The following PPP4R3B variants were observed in gnomAD, a reference collection of about 807,000 sequenced individuals.
PPP4R3B encodes the protein protein phosphatase 4 regulatory subunit 3B.
A neutral mutation model predicts 95.4 loss-of-function variants in PPP4R3B; 52 were observed. The observed-to-expected ratio is 0.54, with a 90% CI of 0.44 to 0.69. The LOEUF (loss-of-function observed/expected upper bound fraction) is 0.69, where lower values mean the gene tolerates loss of function less well. Among genes scored for constraint, PPP4R3B ranks in the 30% least tolerant of loss-of-function variants. PPP4R3B has a pLI of 0.00. For missense variants in PPP4R3B, 1,003 were observed against 1,005.9 expected (o/e 1.00, Z 0.04); for synonymous variants, 407 against 343.9 (o/e 1.18, Z -2.03).
At chr2:55,599,597 T>C (rs1214171410) in intron 3 of PPP4R3B, among the ~76,000 whole-genome samples, 3 of 152,162 alleles carry the variant, frequency 2.0e-5, no homozygotes, top group Non-Finnish European at 2.9e-5. Context: ...GCCATTGAAA[T>C]TTTAGGATTG....
At position 55,586,707 on chromosome 2, in the gene PPP4R3B, A is replaced by C. The variant is rs1690194717; in HGVS notation, c.1027T>G (p.Phe343Val). ...TTTTGAGGTTGTAATGTCTGAGAAA[A>C]TGCACAAAACTCCTTGAAAAAATTA... ...LVNFFKEFCA[F>V]SQTLQPQNRD... Residue 343 changes from phenylalanine to valine, a missense_variant, in exon 6 of 17, where the codon TTT (phenylalanine) becomes GTT (valine). Physicochemically the swap from Phe to Val is conservative, Grantham distance 50. Around this residue, in one of 3 missense-constraint regions of PPP4R3B, gnomAD observed 695 missense variants for 686.2 expected, o/e 1.01. Coordinates refer to ENST00000616407, the MANE Select transcript of PPP4R3B (RefSeq NM_001122964.3). 9 of 1,603,112 alleles carry C rather than the reference A, an allele frequency of 5.6e-6. No individual in the cohort carries two copies. The highest frequency in any genetic ancestry group is 7.7e-6 in the Non-Finnish European group (9 of 1,175,990).
At chr2:55,594,547 T>C (rs1691500114) in intron 4 of PPP4R3B, among the ~76,000 whole-genome samples, 1 of 152,164 alleles carries the variant, frequency 6.6e-6, no homozygotes, top group South Asian at 2.1e-4. Flanking sequence ...ATATTTATAG[T>C]TCATATAATT....
chr2:55,588,381 C>T (rs1026913638), intron 5 of PPP4R3B, among the ~76,000 whole-genome samples: 2 of 151,818 alleles, frequency 1.3e-5, no homozygotes, highest in African/African-American at 2.4e-5. Context: ...GGTGTGGCAG[C>T]GCATGCCTGT....
chr2:55,562,200 T>C lies in PPP4R3B; in HGVS notation c.2260+2113A>G, dbSNP rs892169686. On this transcript the variant is annotated intron_variant, in intron 15 of 16. Transcript: ENST00000616407. ...ACTTTGGGAGGCCAAAGTGGGTGAA[T>C]CATCTGAGACCAGGAGTTCAAGACC... 6.6e-5 allele frequency among the ~76,000 whole-genome samples: 10 copies of C among 152,204 alleles called. No homozygotes were observed. In the East Asian group the frequency reaches 1.9e-3, roughly 29 times the overall value.
Position 55,573,664 on chromosome 2 carries a change from T to C in PPP4R3B, c.1720A>G (p.Arg574Gly). 1 of 1,545,782 alleles carries C rather than the reference T, an allele frequency of 6.5e-7. No individual in the cohort carries two copies. Among genetic ancestry groups the C allele is most frequent in the Non-Finnish European group, 8.7e-7 (1 of 1,145,310 alleles). The change falls in exon 12 of 17, where the codon AGA becomes GGA. Residue 574 changes from arginine to glycine, a missense_variant. Arg to Gly is a moderately radical substitution (Grantham distance 125, BLOSUM62 -2). Coordinates refer to ENST00000616407, the MANE Select transcript of PPP4R3B (RefSeq NM_001122964.3). ...TTTGAATTCATCAAGACCAAGACTC[T>C]TCTTAGCAAGTCCTTGTTCATAATA... Reference protein sequence around the residue: ...NYIMNKDLLRRVLVLMNSKHT... With the variant: ...NYIMNKDLLRGVLVLMNSKHT...
At chr2:55,560,421 T>C (rs574507918) in intron 15 of PPP4R3B, among the ~76,000 whole-genome samples, 1 of 152,284 alleles carries the variant, frequency 6.6e-6, no homozygotes, top group African/African-American at 2.4e-5. Flanking sequence ...TCTGTGGAAC[T>C]TGAACTTGAG....
chr2:55,557,066 A>AACGACGACGACG (rs3030736), intron 16 of PPP4R3B, among the ~76,000 whole-genome samples: 5 of 151,572 alleles, frequency 3.3e-5, no homozygotes, highest in Non-Finnish European at 7.4e-5. Flanking sequence ...CTGTAACAAC[A>AACGACGACGACG]ACGACGACGA....
intron 16 of PPP4R3B, among the ~76,000 whole-genome samples, chr2:55,558,136 T>C (rs2103839931): frequency 6.6e-6 from 1 of 152,252 alleles, no homozygotes; most frequent in Non-Finnish European, 1.5e-5. Flanking sequence ...CGCACACTCA[T>C]ACACAGTTTA....
intron 3 of PPP4R3B, among the ~76,000 whole-genome samples, chr2:55,601,878 T>C (rs1393533315): frequency 6.6e-6 from 1 of 152,204 alleles, no homozygotes; most frequent in Non-Finnish European, 1.5e-5. Context: ...TAAAGCTTCC[T>C]GAGGATGTAA....
chr2:55,572,924 T>C (rs192719250), intron 12 of PPP4R3B, among the ~76,000 whole-genome samples: 11 of 152,140 alleles, frequency 7.2e-5, no homozygotes, highest in Non-Finnish European at 2.9e-5. Flanking sequence ...TCTAGAGTAG[T>C]ATTAGTGGGC....
intron 4 of PPP4R3B, among the ~76,000 whole-genome samples, chr2:55,594,029 C>G (rs1023718755): frequency 6.6e-6 from 1 of 152,054 alleles, no homozygotes; most frequent in African/African-American, 2.4e-5. Flanking sequence ...ATGAATGGAG[C>G]TGGAGGCCAT....
chr2:55,574,821 C>G (rs1688438758), intron 11 of PPP4R3B, among the ~76,000 whole-genome samples: 1 of 151,582 alleles, frequency 6.6e-6, no homozygotes, highest in African/African-American at 2.4e-5. Flanking sequence ...GTCTCGATCT[C>G]CTGACCTCGT....
chr2:55,585,193 T>TA (rs1689982794), intron 6 of PPP4R3B, 26 bp from the exon 7 acceptor site: 2 of 1,497,454 alleles, frequency 1.3e-6, no homozygotes, highest in Non-Finnish European at 1.8e-6. Flanking sequence ...TTAGGTTACT[T>TA]AGAGACTGTT....
intron 4 of PPP4R3B, 32 bp from the exon 5 acceptor site, chr2:55,588,988 T>A: frequency 7.5e-7 from 1 of 1,338,890 alleles, no homozygotes; most frequent in Non-Finnish European, 1.1e-6. Context: ...TATGAAATAT[T>A]AACAAAAGAA....
At chr2:55,577,294 A>G (rs1421027344) in intron 11 of PPP4R3B, 21 bp downstream of exon 11, 2 of 1,548,474 alleles carry the variant, frequency 1.3e-6, no homozygotes, top group African/African-American at 1.4e-5. Context: ...ATGTATTCAT[A>G]AAGTATGAAT....
intron 16 of PPP4R3B, among the ~76,000 whole-genome samples, chr2:55,551,775 A>AATAAATAC (rs1157021997): frequency 6.6e-6 from 1 of 152,050 alleles, no homozygotes; most frequent in African/African-American, 2.4e-5. Context: ...TAAATAAATA[A>AATAAATAC]ATAGATAACC....
intron 3 of PPP4R3B, among the ~76,000 whole-genome samples, chr2:55,603,387 G>T (rs549936877): frequency 1.3e-5 from 2 of 152,282 alleles, no homozygotes; most frequent in South Asian, 4.1e-4. Context: ...ATAAATTTAT[G>T]TTCTAGCAGA....
intron 12 of PPP4R3B, among the ~76,000 whole-genome samples, chr2:55,573,178 C>T (rs999333743): frequency 4.6e-5 from 7 of 152,070 alleles, no homozygotes; most frequent in African/African-American, 1.7e-4. Flanking sequence ...AATAAAACCA[C>T]AAAGTACTTT....
Position 55,564,483 on chromosome 2 carries a change from A to C in PPP4R3B, c.2090T>G (p.Leu697Trp). Reference sequence around the variant, plus strand: ...ATCTCTGCGAAATCTGTTACTACGCAATATAGATGGTACACTGTAAGAAAT... The same window carrying C: ...ATCTCTGCGAAATCTGTTACTACGCCATATAGATGGTACACTGTAAGAAAT... Reference protein sequence around the residue: ...NQKLNSVPSILRSNRFRRDAK... With the variant: ...NQKLNSVPSIWRSNRFRRDAK... Residue 697 changes from leucine (L) to tryptophan (W), a missense_variant, in exon 15 of 17, where the codon TTG (leucine) becomes TGG (tryptophan). Physicochemically the swap from Leu to Trp is moderately conservative, Grantham distance 61. Transcript: ENST00000616407. The C allele has an allele frequency of 6.2e-7, 1 of 1,608,970 alleles. No individual in the cohort carries two copies. Among genetic ancestry groups the C allele is most frequent in the South Asian group, 1.1e-5 (1 of 89,934 alleles).
Sources: gnomAD v4.1 joint callset for allele counts (sites outside exome capture counted in the v4.1 genomes callset) on GRCh38, gnomAD v4.1.1 for gene constraint, gnomAD v4.1.1 regional missense constraint, MANE v1.5 for transcripts, NCBI Gene and HGNC (gene_info 2026-07-23, HGNC 2026-07-21) for gene names.